The following CYSLTR2 variants were observed in gnomAD, a reference collection of about 807,000 sequenced individuals.
The protein encoded by CYSLTR2 is cysteinyl leukotriene receptor 2, also known as G-protein coupled receptor GPCR21.
For missense variants in CYSLTR2, 398 were observed against 411.9 expected, an observed-to-expected ratio of 0.97 and a Z score of 0.29; for synonymous variants, 179 against 160.8, an observed-to-expected ratio of 1.11 and a Z score of -0.86.
chr13:48,702,232 G>A (rs944127403), intron 4 of CYSLTR2, among the ~76,000 whole-genome samples: 1 of 141,966 alleles, frequency 7.0e-6, no homozygotes, highest in Non-Finnish European at 1.5e-5. Flanking sequence ...GACACAGGGT[G>A]GGGAACATCA....
chr13:48,678,738 G>A (rs1253186795), intron 1 of CYSLTR2, among the ~76,000 whole-genome samples: 1 of 152,046 alleles, frequency 6.6e-6, no homozygotes, highest in African/African-American at 2.4e-5. Context: ...ATTAATGAAA[G>A]GCACCACTTC....
chr13:48,677,522 G>A (rs1953630499), intron 1 of CYSLTR2, among the ~76,000 whole-genome samples: 1 of 152,138 alleles, frequency 6.6e-6, no homozygotes, highest in Non-Finnish European at 1.5e-5. Context: ...CGTTCTCCTG[G>A]ATTTCTGGTA....
chr13:48,655,960 TGTTA>T (rs1952987263), intron 1 of CYSLTR2, among the ~76,000 whole-genome samples: 1 of 152,222 alleles, frequency 6.6e-6, no homozygotes, highest in Non-Finnish European at 1.5e-5. Context: ...ACATTGATGT[TGTTA>T]GTTGGCAAAG....
At chr13:48,669,836 C>T (rs1953374463) in intron 1 of CYSLTR2, among the ~76,000 whole-genome samples, 1 of 152,246 alleles carries the variant, frequency 6.6e-6, no homozygotes, top group South Asian at 2.1e-4. Flanking sequence ...GGTTCTAGAT[C>T]CTTGAGGAGT....
chr13:48,671,335 G>A (rs12584341), intron 1 of CYSLTR2, among the ~76,000 whole-genome samples: 9,123 of 152,204 alleles, frequency 0.06, 322 homozygotes, highest in African/African-American at 0.079. Context: ...TGGTGAGAGA[G>A]GGCATCCTTG....
intron 1 of CYSLTR2, among the ~76,000 whole-genome samples, chr13:48,685,321 C>T (rs539384826): frequency 2.0e-3 from 304 of 152,256 alleles, no homozygotes; most frequent in African/African-American, 6.8e-3. Flanking sequence ...ACCGAGGGGA[C>T]GGTGCTAAAC....
At chr13:48,691,473 A>G (rs1310440841) in intron 2 of CYSLTR2, among the ~76,000 whole-genome samples, 172 bp downstream of exon 2, 1 of 152,104 alleles carries the variant, frequency 6.6e-6, no homozygotes, top group Non-Finnish European at 1.5e-5. Context: ...CATCAGGGGA[A>G]TTATTAGGTT....
At chr13:48,682,602 A>G (rs181477911) in intron 1 of CYSLTR2, among the ~76,000 whole-genome samples, 3 of 152,192 alleles carry the variant, frequency 2.0e-5, no homozygotes, top group South Asian at 2.1e-4. Context: ...CAGTCAACTC[A>G]GAAATAGGTT....
chr13:48,662,161 C>T (rs1323191916), intron 1 of CYSLTR2, among the ~76,000 whole-genome samples: 1 of 152,204 alleles, frequency 6.6e-6, no homozygotes, highest in African/African-American at 2.4e-5. Flanking sequence ...TCCATTTCCA[C>T]CCTTGTTGCC....
In CYSLTR2 at chr13:48,707,449, T is replaced by A. The variant is rs763148937; in HGVS notation, c.632T>A (p.Leu211Gln). ...MNYIALVVGCLLPFFTLSICY... is the reference protein window; with the variant it reads ...MNYIALVVGCQLPFFTLSICY... ...TATATTGCCTTGGTGGTGGGCTGCC[T>A]GCTGCCATTTTTCACACTCAGCATC... Residue 211 changes from leucine (L) to glutamine (Q), a missense_variant, in exon 5 of 5, where the codon CTG becomes CAG. Physicochemically the swap from Leu to Gln is moderately radical, Grantham distance 113. Coordinates refer to ENST00000682523, the MANE Select transcript of CYSLTR2 (RefSeq NM_001308476.3). 3.3e-5 allele frequency: 53 copies of A among 1,613,918 alleles called. No individual in the cohort carries two copies. Among genetic ancestry groups the A allele is most frequent in the Non-Finnish European group, 4.4e-5 (52 of 1,180,042 alleles).
Position 48,707,567 on chromosome 13 carries a change from C to T in CYSLTR2, c.750C>T (p.Ile250=), listed in dbSNP as rs199927379. The T allele has an allele frequency of 7.4e-5, 119 of 1,608,780 alleles. No homozygotes were observed. The highest frequency in any genetic ancestry group is 1.0e-4 in the Non-Finnish European group (119 of 1,180,004). The part of the protein sequence containing the change: ...VSHRKALTTI[I]ITLIIFFLCF... ...ACAGGAAGGCACTGACCACCATCAT[C>T]ATCACCTTGATCATCTTCTTCTTGT... Residue 250 remains isoleucine (I), a synonymous_variant, in exon 5 of 5, where the codon ATC becomes ATT. Transcript: ENST00000682523.
intron 1 of CYSLTR2, among the ~76,000 whole-genome samples, chr13:48,659,787 A>C (rs1348732476): frequency 6.6e-6 from 1 of 152,248 alleles, no homozygotes; most frequent in African/African-American, 2.4e-5. Flanking sequence ...TCCTTAGATC[A>C]GACATTTGGT....
intron 1 of CYSLTR2, among the ~76,000 whole-genome samples, chr13:48,681,632 C>G (rs758455791): frequency 6.6e-6 from 1 of 152,130 alleles, no homozygotes; most frequent in Admixed American, 6.5e-5. Flanking sequence ...GATCTCTTGT[C>G]TGTGGTCATG....
At chr13:48,704,861 G>A (rs186093759) in intron 4 of CYSLTR2, among the ~76,000 whole-genome samples, 2 of 152,116 alleles carry the variant, frequency 1.3e-5, no homozygotes, top group East Asian at 3.9e-4. Context: ...TTATGTCCCA[G>A]GATGTGGTTT....
Position 48,707,243 on chromosome 13 carries a change from C to T in CYSLTR2, c.426C>T (p.His142=). 2 of 1,614,078 alleles carry T rather than the reference C, an allele frequency of 1.2e-6. No individual in the cohort carries two copies. The highest frequency in any genetic ancestry group is 1.1e-5 in the South Asian group (1 of 91,086). The change falls in exon 5 of 5, where the codon CAC becomes CAT. Residue 142 remains histidine (H), a synonymous_variant. Coordinates refer to ENST00000682523, the MANE Select transcript of CYSLTR2 (RefSeq NM_001308476.3). ...LSVVRFLAMV[H]PFRLLHVTSI... Reference sequence around the variant, plus strand: ...TTGTGCGTTTCCTGGCAATGGTTCACCCCTTTCGGCTTCTGCATGTCACCA... The same window carrying T: ...TTGTGCGTTTCCTGGCAATGGTTCATCCCTTTCGGCTTCTGCATGTCACCA...
chr13:48,666,995 G>C (rs373546704), intron 1 of CYSLTR2, among the ~76,000 whole-genome samples: 117 of 152,214 alleles, frequency 7.7e-4, no homozygotes, highest in Middle Eastern at 6.8e-3. Flanking sequence ...TTCCTATGTT[G>C]ATTTCTACAC....
chr13:48,680,980 A>G (rs1193352882), intron 1 of CYSLTR2, among the ~76,000 whole-genome samples: 1 of 152,022 alleles, frequency 6.6e-6, no homozygotes, highest in Non-Finnish European at 1.5e-5. Flanking sequence ...GCCTTTAGCT[A>G]TATGAGGTTT....
Position 48,706,968 on chromosome 13 carries a change from T to C in CYSLTR2, c.151T>C (p.Trp51Arg), listed in dbSNP as rs2139009388. 6.2e-7 allele frequency: 1 copy of C among 1,614,206 alleles called. No homozygotes were observed. The change falls in exon 5 of 5, where the codon TGG becomes CGG. Residue 51 changes from tryptophan to arginine, a missense_variant. Physicochemically the swap from Trp to Arg is moderately radical, Grantham distance 101 (BLOSUM62 -3). Transcript: ENST00000682523. ...AATTGTATATCTGATAATATTTTTC[T>C]GGGGAGTCTTGGGAAATGGGTTGTC... is the stretch of plus-strand genomic sequence containing the variant. ...FPIVYLIIFF[W>R]GVLGNGLSIY... is the part of the protein sequence containing the mutation.
At chr13:48,689,178 T>A (rs1489555192) in intron 1 of CYSLTR2, among the ~76,000 whole-genome samples, 1 of 152,212 alleles carries the variant, frequency 6.6e-6, no homozygotes, top group Non-Finnish European at 1.5e-5. Flanking sequence ...ATGGATAAAT[T>A]GCAAAAATTT....
Sources: allele counts gnomAD v4.1 joint callset (sites outside exome capture counted in the v4.1 genomes callset), GRCh38; gene constraint gnomAD v4.1.1; transcripts MANE v1.5; gene names NCBI Gene and HGNC (gene_info 2026-07-23, HGNC 2026-07-21).